The following NPAS3 variants were observed in gnomAD, a reference collection of about 807,000 sequenced individuals.
The protein encoded by NPAS3 is neuronal PAS domain-containing protein 3.
Under a neutral mutation model 73.1 loss-of-function variants are expected in NPAS3, and 14 were observed. The ratio of observed to expected loss-of-function variants is 0.19; its 90% CI spans 0.13 to 0.30. NPAS3 has a LOEUF of 0.30. NPAS3 is among the 10% of genes least tolerant of loss of function. The pLI is 1.00. For synonymous variants in NPAS3, 620 were observed against 541.5 expected (o/e 1.14, Z -2.01); for missense variants, 1,096 against 1,250.0 (o/e 0.88, Z 1.86).
At chr14:33,263,768 C>G (rs973001169) in intron 3 of NPAS3, among the ~76,000 whole-genome samples, 6 of 152,098 alleles carry the variant, frequency 3.9e-5, no homozygotes, top group African/African-American at 1.4e-4. Context: ...GAATGTTGTT[C>G]CATTTGTTTG....
intron 1 of NPAS3, among the ~76,000 whole-genome samples, chr14:33,041,660 T>C (rs1206206047): frequency 6.6e-6 from 1 of 152,166 alleles, no homozygotes; most frequent in Non-Finnish European, 1.5e-5. Flanking sequence ...AACCAATCAC[T>C]GAGACAAGTA....
At chr14:33,243,904 A>G (rs1357539959) in intron 3 of NPAS3, among the ~76,000 whole-genome samples, 1 of 152,184 alleles carries the variant, frequency 6.6e-6, no homozygotes, top group Non-Finnish European at 1.5e-5. Context: ...AACATCATTA[A>G]TGTTCTCTAA....
intron 4 of NPAS3, among the ~76,000 whole-genome samples, chr14:33,509,652 C>T (rs949136101): frequency 4.0e-5 from 6 of 151,872 alleles, no homozygotes; most frequent in Admixed American, 1.3e-4. Context: ...TGGGGCCTTG[C>T]GTAATTCACT....
intron 3 of NPAS3, among the ~76,000 whole-genome samples, chr14:33,288,902 G>A (rs557503408): frequency 4.6e-5 from 7 of 152,132 alleles, no homozygotes; most frequent in Non-Finnish European, 1.0e-4. Context: ...GTTGGGGAGT[G>A]CTCAATCATG....
chr14:33,158,258 C>A (rs1173790076), intron 2 of NPAS3, among the ~76,000 whole-genome samples: 1 of 152,150 alleles, frequency 6.6e-6, no homozygotes, highest in Non-Finnish European at 1.5e-5. Context: ...TTTTTAGGCC[C>A]AGCCTGGGAA....
rs200913709 is a variant in NPAS3, at chr14:33,187,612, G to GC, written c.141-27570_141-27569insC. 2.4e-3 allele frequency among the ~76,000 whole-genome samples: 364 copies of GC among 152,280 alleles called. 3 individuals are homozygous for GC. Among genetic ancestry groups the GC allele is most frequent in the African/African-American group, 8.1e-3 (336 of 41,556 alleles). Reference sequence around the variant, plus strand: ...CTCAGGAAGCTGAGACAGGTTGATTGTTGAAGCCCGGAGTTTGAGACTATA... The same window carrying GC: ...CTCAGGAAGCTGAGACAGGTTGATTGCTTGAAGCCCGGAGTTTGAGACTATA... On this transcript the variant is annotated intron_variant, in intron 2 of 11. Transcript: ENST00000356141.
chr14:33,041,256 C>T (rs781441246), intron 1 of NPAS3, among the ~76,000 whole-genome samples: 1 of 152,138 alleles, frequency 6.6e-6, no homozygotes, highest in Non-Finnish European at 1.5e-5. Flanking sequence ...CTCAGGACAG[C>T]TTCAGGTCAG....
chr14:33,586,169 T>C (rs1204156005), intron 5 of NPAS3, among the ~76,000 whole-genome samples: 1 of 148,626 alleles, frequency 6.7e-6, no homozygotes, highest in African/African-American at 2.5e-5. Flanking sequence ...CATCTTGTTT[T>C]CTTCTCTTAA....
chr14:33,481,101 G>A (rs1472184713), intron 4 of NPAS3, among the ~76,000 whole-genome samples: 2 of 152,138 alleles, frequency 1.3e-5, no homozygotes, highest in Non-Finnish European at 2.9e-5. Flanking sequence ...ATATAATTGG[G>A]TAAATGGCGA....
chr14:33,785,676 T>G (rs542372081), intron 9 of NPAS3, among the ~76,000 whole-genome samples: 2 of 152,164 alleles, frequency 1.3e-5, no homozygotes, highest in African/African-American at 2.4e-5. Context: ...GTGTCTAACA[T>G]GCAACAGTTT....
chr14:33,548,631 G>T (rs886371210), intron 4 of NPAS3, among the ~76,000 whole-genome samples: 1 of 152,166 alleles, frequency 6.6e-6, no homozygotes, highest in Non-Finnish European at 1.5e-5. Context: ...TTTACCCAGC[G>T]ATTACTCAGG....
chr14:33,713,018 T>A (rs12589776), intron 6 of NPAS3, among the ~76,000 whole-genome samples: 12,178 of 152,144 alleles, frequency 0.08, 811 homozygotes, highest in East Asian at 0.26. Context: ...CTCCTCCCAA[T>A]TATCCCAGAG....
At chr14:33,372,311 G>A (rs991470485) in intron 4 of NPAS3, among the ~76,000 whole-genome samples, 55 of 152,202 alleles carry the variant, frequency 3.6e-4, no homozygotes, top group African/African-American at 1.2e-3. Flanking sequence ...TGGTGTGCCC[G>A]TTCTCTGAAT....
intron 1 of NPAS3, among the ~76,000 whole-genome samples, chr14:32,949,030 A>G (rs546184301): frequency 6.6e-6 from 1 of 152,164 alleles, no homozygotes; most frequent in East Asian, 1.9e-4. Flanking sequence ...CTTTGAAAAA[A>G]TTTTATACAG....
At chr14:33,201,685 G>C (rs965153893) in intron 2 of NPAS3, among the ~76,000 whole-genome samples, 25 of 152,198 alleles carry the variant, frequency 1.6e-4, no homozygotes, top group African/African-American at 5.1e-4. Flanking sequence ...CAATCATGTA[G>C]TACACATTTT....
chr14:33,133,075 C>T (rs2043700340), intron 2 of NPAS3, among the ~76,000 whole-genome samples: 1 of 152,120 alleles, frequency 6.6e-6, no homozygotes, highest in Admixed American at 6.6e-5. Flanking sequence ...GTACATATGA[C>T]TTATGAAAGA....
At chr14:33,534,188 T>C (rs1033690386) in intron 4 of NPAS3, among the ~76,000 whole-genome samples, 21 of 149,022 alleles carry the variant, frequency 1.4e-4, no homozygotes, top group South Asian at 4.3e-4. Context: ...ATTTCTGCTA[T>C]GTGTGGTACT....
intron 4 of NPAS3, among the ~76,000 whole-genome samples, chr14:33,542,415 G>C (rs142503173): frequency 2.4e-3 from 359 of 152,270 alleles, no homozygotes; most frequent in African/African-American, 8.3e-3. Context: ...CAGAGAGGTG[G>C]CTGCTGGCCT....
In NPAS3 at chr14:33,643,375, T is replaced by TAAAAAAAA. The variant is rs755879056; in HGVS notation, c.559-32820_559-32813dup. On this transcript the variant is annotated intron_variant, in intron 5 of 11. Coordinates refer to ENST00000356141, the Ensembl canonical transcript of NPAS3. ...TTCGGAAAAAGAAAGAAATAAAAAT[T>TAAAAAAAA]AAAAAAAAAAAAAAAAAAAAAAACG... Among the ~76,000 whole-genome samples the TAAAAAAAA allele has an allele frequency of 6.1e-4, 58 of 94,370 alleles. 1 individual carries two copies. The highest frequency in any genetic ancestry group is 8.0e-4 in the Non-Finnish European group (39 of 48,902). 61.9% of individuals were successfully genotyped at this position (94,370 alleles called of 152,430 possible).
Sources: gnomAD v4.1 joint callset for allele counts (sites outside exome capture counted in the v4.1 genomes callset) on GRCh38, gnomAD v4.1.1 for gene constraint, MANE v1.5 for transcripts, NCBI Gene and HGNC (gene_info 2026-07-23, HGNC 2026-07-21) for gene names.